The following CDH4 variants were observed in gnomAD, a reference collection of about 807,000 sequenced individuals.
CDH4 encodes the protein cadherin 4.
CDH4 carries 33 observed loss-of-function variants against 86.0 expected under a neutral mutation model. The ratio of observed to expected loss-of-function variants is 0.38; its 90% confidence interval spans 0.29 to 0.51. CDH4 has a LOEUF of 0.51. CDH4 is among the 20% of genes least tolerant of loss of function. The pLI, the probability that CDH4 is intolerant of heterozygous loss-of-function variation, is 0.86. For missense variants in CDH4, 1,114 were observed against 1,307.4 expected (o/e 0.85, Z 2.28); for synonymous variants, 555 against 549.4 (o/e 1.01, Z -0.14).
At chr20:61,452,657 G>T (rs138165733) in intron 2 of CDH4, among the ~76,000 whole-genome samples, 81 of 152,286 alleles carry the variant, frequency 5.3e-4, no homozygotes, top group East Asian at 4.8e-3. Context: ...TTCCCACACC[G>T]TACAGAAGTA....
chr20:61,867,069 A>T (rs1983583425), intron 6 of CDH4, among the ~76,000 whole-genome samples: 1 of 152,228 alleles, frequency 6.6e-6, no homozygotes, highest in African/African-American at 2.4e-5. Flanking sequence ...AGCAGGAGAG[A>T]GACGGGTGGA....
chr20:61,527,080 G>A (rs1003980363), intron 2 of CDH4, among the ~76,000 whole-genome samples: 7 of 152,200 alleles, frequency 4.6e-5, no homozygotes, highest in Admixed American at 4.6e-4. Flanking sequence ...TGCTAACGCT[G>A]TAAAACTTTT....
chr20:61,518,596 T>A lies in CDH4; in HGVS notation c.170-224967T>A, dbSNP rs966503653. ...TATCCATCCATATATCATCCATCCA[T>A]CATCATCCACTCATCCATCCATCCT... On this transcript the variant is annotated intron_variant, in intron 2 of 15. Transcript: ENST00000614565. This position sits in a 1 kb window ranked among gnomAD's most constrained non-coding sequence, Gnocchi z 6.3. Among the ~76,000 whole-genome samples the A allele has an allele frequency of 2.9e-4, 44 of 151,956 alleles. No individual in the cohort carries two copies. The highest frequency in any genetic ancestry group is 3.4e-3 in the Middle Eastern group (1 of 294).
At chr20:61,650,071 G>T (rs2087105797) in intron 2 of CDH4, among the ~76,000 whole-genome samples, 1 of 152,212 alleles carries the variant, frequency 6.6e-6, no homozygotes, top group Non-Finnish European at 1.5e-5. Context: ...GGCTATCCCA[G>T]TCTTACCTGC....
chr20:61,719,729 TTAA>T (rs1297648988), intron 2 of CDH4: 3 of 153,080 alleles, frequency 2.0e-5, no homozygotes, highest in African/African-American at 7.3e-5. Context: ...AGCAGCCGTG[TTAA>T]TATCATACGA....
intron 2 of CDH4, among the ~76,000 whole-genome samples, chr20:61,551,352 A>G (rs932275457): frequency 2.6e-5 from 4 of 152,218 alleles, no homozygotes; most frequent in African/African-American, 9.7e-5. Context: ...ACTGGAGTAT[A>G]AAGTCATACA....
At chr20:61,895,928 C>T (rs748731784) in intron 8 of CDH4, among the ~76,000 whole-genome samples, 2 of 152,190 alleles carry the variant, frequency 1.3e-5, no homozygotes, top group Non-Finnish European at 2.9e-5. Context: ...CTAGAAAGGT[C>T]GAAGGCACCA....
At chr20:61,693,251 GGGGCCACGTC>G (rs2087678752) in intron 2 of CDH4, among the ~76,000 whole-genome samples, 1 of 151,880 alleles carries the variant, frequency 6.6e-6, no homozygotes, top group Non-Finnish European at 1.5e-5. Context: ...GCCAGTGCAG[GGGGCCACGTC>G]GGGCCTGTTC....
chr20:61,635,028 C>T (rs1278435156), intron 2 of CDH4, among the ~76,000 whole-genome samples: 1 of 152,182 alleles, frequency 6.6e-6, no homozygotes, highest in Non-Finnish European at 1.5e-5. Flanking sequence ...ACTTTGCTTT[C>T]GTGCCCGTCT....
At chr20:61,541,090 C>T (rs1308006876) in intron 2 of CDH4, among the ~76,000 whole-genome samples, 3 of 152,332 alleles carry the variant, frequency 2.0e-5, no homozygotes, top group East Asian at 1.9e-4. Context: ...TGCTCGGAGA[C>T]TTCCAGAAGG....
intron 4 of CDH4, among the ~76,000 whole-genome samples, chr20:61,840,664 C>A (rs1982121823): frequency 6.6e-6 from 1 of 152,188 alleles, no homozygotes; most frequent in African/African-American, 2.4e-5. Flanking sequence ...TCTGTGCTCC[C>A]TATTCACGGC....
rs1025107943 is a variant in CDH4 at position 61,361,108 on chromosome 20, G to A, written c.169+106171G>A. Among the ~76,000 whole-genome samples the A allele has an allele frequency of 3.9e-5, 6 of 152,162 alleles. 1 individual carries two copies. Among genetic ancestry groups the A allele is most frequent in the African/African-American group, 7.2e-5 (3 of 41,450 alleles). The stretch of plus-strand genomic sequence containing the variant: ...GGCGTCATAGAGTTGGGAAGGGAGC[G>A]ACGTGGAGACGACTTGGCTGGGGAG... On this transcript the variant is annotated intron_variant, in intron 2 of 15. Coordinates refer to ENST00000614565, the MANE Select transcript of CDH4 (RefSeq NM_001794.5).
Position 61,829,745 on chromosome 20 carries a change from G to A in CDH4, c.577-14923G>A, listed in dbSNP as rs1981505418. The stretch of plus-strand genomic sequence containing the variant: ...GTGGGCTGCAGACGGGTGGGTGACT[G>A]TGGGACCCTTGCTCAGCCTCCAGCT... On this transcript the variant is annotated intron_variant, in intron 4 of 15. Transcript: ENST00000614565. The surrounding 1 kb of genome is among the most constrained non-coding windows in gnomAD (Gnocchi z 4.2). Among the ~76,000 whole-genome samples, 1 of 152,156 alleles carries A rather than the reference G, an allele frequency of 6.6e-6. No homozygotes were observed.
chr20:61,902,768 G>C lies in CDH4; in HGVS notation c.1189-7654G>C, dbSNP rs2054740715. ...AAGAGGCTACATAGGTGTCGTTTTGGGAATATTTGAAGGAGGAAGATTCTA... is the reference window on the plus strand; with the variant it reads ...AAGAGGCTACATAGGTGTCGTTTTGCGAATATTTGAAGGAGGAAGATTCTA... On this transcript the variant is annotated intron_variant, in intron 8 of 15. Coordinates refer to ENST00000614565, the MANE Select transcript of CDH4 (RefSeq NM_001794.5). The surrounding 1 kb of genome is among the most constrained non-coding windows in gnomAD (Gnocchi z 4.6). Among the ~76,000 whole-genome samples the C allele has an allele frequency of 6.6e-6, 1 of 152,148 alleles. No homozygotes were observed. The highest frequency in any genetic ancestry group is 2.4e-5 in the African/African-American group (1 of 41,424).
chr20:61,285,438 A>C (rs988479739), intron 2 of CDH4, among the ~76,000 whole-genome samples: 1 of 152,212 alleles, frequency 6.6e-6, no homozygotes, highest in African/African-American at 2.4e-5. Context: ...GCCGTGGCGC[A>C]TGCCTGTGAG....
At chr20:61,794,629 A>G (rs937330659) in intron 4 of CDH4, among the ~76,000 whole-genome samples, 1 of 152,228 alleles carries the variant, frequency 6.6e-6, no homozygotes, top group African/African-American at 2.4e-5. Context: ...GTGGGCACCC[A>G]CAGCTTCTGC....
At chr20:61,822,485 G>A (rs1371034908) in intron 4 of CDH4, among the ~76,000 whole-genome samples, 1 of 152,224 alleles carries the variant, frequency 6.6e-6, no homozygotes, top group South Asian at 2.1e-4. Context: ...GAGAGCCGCA[G>A]CGAAGGTGTG....
At chr20:61,403,397 G>A (rs1251533588) in intron 2 of CDH4, among the ~76,000 whole-genome samples, 3 of 152,150 alleles carry the variant, frequency 2.0e-5, no homozygotes, top group East Asian at 1.9e-4. Context: ...TGAGTTTGGG[G>A]GCAGCGGTGG....
chr20:61,554,441 A>G (rs1228176458), intron 2 of CDH4, among the ~76,000 whole-genome samples: 2 of 152,134 alleles, frequency 1.3e-5, no homozygotes, highest in African/African-American at 4.8e-5. Flanking sequence ...TCCAAGCCCT[A>G]TTTTCTCTTA....
Sources: allele counts gnomAD v4.1 joint callset (sites outside exome capture counted in the v4.1 genomes callset), GRCh38; gene constraint gnomAD v4.1.1; non-coding constraint Gnocchi (gnomAD v3.1); transcripts MANE v1.5; gene names NCBI Gene and HGNC (gene_info 2026-07-23, HGNC 2026-07-21).